RAB31: variants seen among roughly 807,000 people sequenced by gnomAD.
RAB31 encodes the protein RAB31, member RAS oncogene family.
Under a neutral mutation model 25.6 loss-of-function variants are expected in RAB31, and 21 were observed. The ratio of observed to expected loss-of-function variants is 0.82; its 90% CI spans 0.58 to 1.18. The LOEUF is 1.18. Among genes scored for constraint, RAB31 ranks in the 50% most tolerant of loss-of-function variants. RAB31 has a pLI of 0.00. For missense variants in RAB31, 196 were observed against 250.1 expected (o/e 0.78, Z 1.46); for synonymous variants, 87 against 84.0 (o/e 1.04, Z -0.20).
At chr18:9,813,362 C>A (rs1185609356) in intron 3 of RAB31, among the ~76,000 whole-genome samples, 1 of 152,136 alleles carries the variant, frequency 6.6e-6, no homozygotes, top group African/African-American at 2.4e-5. Context: ...TCCTTTACTG[C>A]CGCATAATTC....
intron 3 of RAB31, among the ~76,000 whole-genome samples, chr18:9,798,129 T>A (rs1046569692): frequency 1.3e-5 from 2 of 152,272 alleles, no homozygotes; most frequent in Non-Finnish European, 2.9e-5. Flanking sequence ...GGATATTCTT[T>A]CTTTATACTT....
At chr18:9,711,422 G>T (rs564037725) in intron 1 of RAB31, among the ~76,000 whole-genome samples, 2 of 152,278 alleles carry the variant, frequency 1.3e-5, no homozygotes, top group African/African-American at 4.8e-5. Flanking sequence ...ACCCAGGCTG[G>T]AGTGCAATGG....
chr18:9,771,776 C>A (rs1379988010), intron 1 of RAB31, among the ~76,000 whole-genome samples: 1 of 152,228 alleles, frequency 6.6e-6, no homozygotes. Context: ...GTGTTCTTTG[C>A]AGAAATGTTT....
chr18:9,755,209 C>T (rs2068254893), intron 1 of RAB31, among the ~76,000 whole-genome samples: 1 of 152,150 alleles, frequency 6.6e-6, no homozygotes, highest in Non-Finnish European at 1.5e-5. Flanking sequence ...GATTAGTGGT[C>T]TTAATAATTC....
At chr18:9,783,323 A>G (rs1388461452) in intron 2 of RAB31, among the ~76,000 whole-genome samples, 2 of 152,116 alleles carry the variant, frequency 1.3e-5, no homozygotes, top group African/African-American at 2.4e-5. Context: ...TGGTTAGGCC[A>G]CTGCACTCTT....
At chr18:9,844,057 T>C (rs1040362952) in intron 5 of RAB31, among the ~76,000 whole-genome samples, 1 of 152,182 alleles carries the variant, frequency 6.6e-6, no homozygotes, top group Non-Finnish European at 1.5e-5. Flanking sequence ...TCTTTTCCAA[T>C]AGCAATCCTT....
At chr18:9,756,545 A>T (rs997868726) in intron 1 of RAB31, among the ~76,000 whole-genome samples, 2 of 152,190 alleles carry the variant, frequency 1.3e-5, no homozygotes, top group African/African-American at 4.8e-5. Context: ...GCATTAATTC[A>T]TATTTGTGAG....
At chr18:9,820,382 A>G (rs895667313) in intron 5 of RAB31, among the ~76,000 whole-genome samples, 1 of 152,046 alleles carries the variant, frequency 6.6e-6, no homozygotes, top group African/African-American at 2.4e-5. Flanking sequence ...TCCTTTTTAT[A>G]CATTGCTGGG....
intron 4 of RAB31, chr18:9,814,766 A>G: frequency 5.6e-6 from 1 of 179,894 alleles, no homozygotes; most frequent in Non-Finnish European, 1.2e-5. Flanking sequence ...AGGACTCTAA[A>G]TATATATGTT....
chr18:9,857,640 T>TATAGATAG (rs369031976), intron 6 of RAB31, among the ~76,000 whole-genome samples: 1,310 of 129,182 alleles, frequency 0.01, 8 homozygotes, highest in Non-Finnish European at 0.012. Context: ...TAGCCAATAA[T>TATAGATAG]ATAGATAGAT....
rs200623215 is a variant in RAB31 at position 9,848,504 on chromosome 18, A to G, written c.490+2813A>G. On this transcript the variant is annotated intron_variant, in intron 6 of 6. Transcript: ENST00000578921. ...TTTTCTCCTTCATGTGAATTTCTTC[A>G]GAATGGAGTTCTGTAGCCTAATTGC... Among the ~76,000 whole-genome samples the G allele has an allele frequency of 5.3e-5, 8 of 152,330 alleles. No homozygotes were observed. In the East Asian group the frequency reaches 1.5e-3, roughly 29 times the overall value.
chr18:9,730,289 T>C (rs1431780833), intron 1 of RAB31, among the ~76,000 whole-genome samples: 5 of 41,060 alleles, frequency 1.2e-4, no homozygotes, highest in Non-Finnish European at 2.6e-4. Flanking sequence ...TCACCTTATC[T>C]TTTTTTTTTT....
intron 3 of RAB31, among the ~76,000 whole-genome samples, chr18:9,808,864 G>A (rs1039717809): frequency 6.6e-6 from 1 of 152,246 alleles, no homozygotes; most frequent in African/African-American, 2.4e-5. Flanking sequence ...AGCTGTGCTT[G>A]TTGGGAAACT....
intron 1 of RAB31, among the ~76,000 whole-genome samples, chr18:9,758,812 C>G (rs547701802): frequency 6.6e-6 from 1 of 152,150 alleles, no homozygotes; most frequent in African/African-American, 2.4e-5. Flanking sequence ...CTGTCTATCT[C>G]CCCATGAGGA....
At chr18:9,809,376 A>G (rs576950740) in intron 3 of RAB31, among the ~76,000 whole-genome samples, 45 of 151,294 alleles carry the variant, frequency 3.0e-4, no homozygotes, top group African/African-American at 1.1e-3. Flanking sequence ...ACTACTTGAA[A>G]AAAAGATTTT....
intron 3 of RAB31, among the ~76,000 whole-genome samples, chr18:9,811,161 C>T (rs906491726): frequency 2.6e-5 from 4 of 152,202 alleles, no homozygotes; most frequent in South Asian, 2.1e-4. Context: ...TGGGTGGCGC[C>T]GGCCCTTCAG....
At chr18:9,781,322 CT>C (rs564426783) in intron 2 of RAB31, among the ~76,000 whole-genome samples, 1 of 151,420 alleles carries the variant, frequency 6.6e-6, no homozygotes, top group Non-Finnish European at 1.5e-5. Context: ...GTTCTTTTTT[CT>C]TTTTTTTTAT....
intron 3 of RAB31, among the ~76,000 whole-genome samples, chr18:9,813,147 C>T (rs1186329102): frequency 6.6e-6 from 1 of 152,210 alleles, no homozygotes; most frequent in Admixed American, 6.5e-5. Context: ...GCTTTGTTAA[C>T]ATTTTGGAAT....
intron 1 of RAB31, among the ~76,000 whole-genome samples, chr18:9,744,277 A>G (rs79524043): frequency 0.026 from 3,967 of 152,302 alleles, 153 homozygotes; most frequent in East Asian, 0.15. Context: ...TAGCAATGCA[A>G]AATAACTATT....
Sources: allele counts gnomAD v4.1 joint callset (sites outside exome capture counted in the v4.1 genomes callset), GRCh38; gene constraint gnomAD v4.1.1; transcripts MANE v1.5; gene names NCBI Gene and HGNC (gene_info 2026-07-23, HGNC 2026-07-21).